The following CDK5RAP2 variants were observed in gnomAD, a reference collection of about 807,000 sequenced individuals.
The protein encoded by CDK5RAP2 is CDK5 regulatory subunit-associated protein 2.
CDK5RAP2 carries 147 observed loss-of-function variants against 232.9 expected under a neutral mutation model. The ratio of observed to expected loss-of-function variants is 0.63; its 90% confidence interval spans 0.55 to 0.72. The LOEUF (loss-of-function observed/expected upper bound fraction) is 0.72, where lower values mean the gene tolerates loss of function less well. CDK5RAP2 is among the 30% of genes least tolerant of loss of function. The pLI is 0.00. For missense variants in CDK5RAP2, 2,195 were observed against 2,231.5 expected (o/e 0.98, Z 0.33); for synonymous variants, 833 against 833.7 (o/e 1.00, Z 0.01).
chr9:120,477,625 T>A (rs2038086091), intron 14 of CDK5RAP2, among the ~76,000 whole-genome samples, 175 bp from the exon 15 acceptor site: 1 of 151,804 alleles, frequency 6.6e-6, no homozygotes, highest in Admixed American at 6.6e-5. Context: ...TCAGGAGGAG[T>A]GGGGAATGAC....
chr9:120,537,169 C>T (rs947348135), intron 6 of CDK5RAP2, among the ~76,000 whole-genome samples: 4 of 152,104 alleles, frequency 2.6e-5, no homozygotes, highest in African/African-American at 9.7e-5. Flanking sequence ...CAAAGATAAA[C>T]ATCAAACAGA....
chr9:120,393,165 C>T (rs2032150997), intron 36 of CDK5RAP2, among the ~76,000 whole-genome samples: 1 of 152,180 alleles, frequency 6.6e-6, no homozygotes, highest in South Asian at 2.1e-4. Flanking sequence ...TTCTTCAAGA[C>T]CCAGTCAGTC....
intron 25 of CDK5RAP2, among the ~76,000 whole-genome samples, chr9:120,428,221 T>C (rs2035041876): frequency 6.6e-6 from 1 of 151,844 alleles, no homozygotes; most frequent in Non-Finnish European, 1.5e-5. Flanking sequence ...GCAAACACAT[T>C]TAAAAGCTAG....
rs1308270240 is a variant in CDK5RAP2, at chr9:120,408,404, G to A, written c.4669C>T (p.Leu1557Phe). ...TCATACGCCTTCAGCTCCACTCGGA[G>A]AGACTGCAATAGCTTGTCATTCTGT... ...LSQNDKLLQSLRVELKAYEKL... is the reference protein window; with the variant it reads ...LSQNDKLLQSFRVELKAYEKL... The change falls in exon 31 of 38, where the codon CTC becomes TTC. Residue 1557 changes from leucine (L) to phenylalanine (F), a missense_variant. By Grantham distance (22) the Leu-to-Phe change is conservative. Transcript: ENST00000349780. The A allele has an allele frequency of 1.7e-5, 27 of 1,614,068 alleles. No individual in the cohort carries two copies. Among genetic ancestry groups the A allele is most frequent in the Non-Finnish European group, 2.3e-5 (27 of 1,180,038 alleles).
chr9:120,431,854 G>A (rs550719591), intron 25 of CDK5RAP2, among the ~76,000 whole-genome samples: 1 of 152,296 alleles, frequency 6.6e-6, no homozygotes, highest in South Asian at 2.1e-4. Context: ...CCAAGAACAA[G>A]GATACAGTGG....
intron 22 of CDK5RAP2, 149 bp downstream of exon 22, chr9:120,447,746 G>A (rs982532723): frequency 4.3e-5 from 32 of 742,806 alleles, no homozygotes; most frequent in Non-Finnish European, 7.7e-5. Flanking sequence ...CCTCTGTTGT[G>A]CATTTGTCAA....
rs73546170 is a variant in CDK5RAP2 at position 120,405,153 on chromosome 9, T to C, written c.4964-1040A>G. 7.0e-3 allele frequency among the ~76,000 whole-genome samples: 1,068 copies of C among 152,294 alleles called. 18 individuals are homozygous for C. Among genetic ancestry groups the C allele is most frequent in the African/African-American group, 0.025 (1,031 of 41,550 alleles). ...CCAAGGAGCCAGGAGGTCAGCTCCA[T>C]AGAGCTGGCCCCAAGAGGAATCACT... On this transcript the variant is annotated intron_variant, in intron 32 of 37. Coordinates refer to ENST00000349780, the MANE Select transcript of CDK5RAP2 (RefSeq NM_018249.6).
intron 14 of CDK5RAP2, among the ~76,000 whole-genome samples, chr9:120,480,997 A>G (rs2038274712): frequency 6.6e-6 from 1 of 152,234 alleles, no homozygotes; most frequent in Non-Finnish European, 1.5e-5. Context: ...GTGCAGCCAG[A>G]GGACCTCAGA....
rs4837768 is a variant in CDK5RAP2 at position 120,408,455 on chromosome 9, C to T, written c.4618G>A (p.Val1540Met). The change falls in exon 31 of 38, where the codon GTG becomes ATG. Residue 1540 changes from valine (V) to methionine (M), a missense_variant. Transcript: ENST00000349780. Reference protein sequence around the residue: ...GQELSRVQEEVKLRQQLLSQN... With the variant: ...GQELSRVQEEMKLRQQLLSQN... ...GAGAGCAGCTGCTGCCTCAACTTCACCTCCTCCTGCACCCTGAGAAGGCCC... is the reference window on the plus strand; with the variant it reads ...GAGAGCAGCTGCTGCCTCAACTTCATCTCCTCCTGCACCCTGAGAAGGCCC... The T allele has an allele frequency of 6.2e-7, 1 of 1,613,894 alleles. No homozygotes were observed. Among genetic ancestry groups the T allele is most frequent in the Non-Finnish European group, 8.5e-7 (1 of 1,179,954 alleles).
intron 19 of CDK5RAP2, 140 bp downstream of exon 19, chr9:120,460,432 T>G: frequency 1.3e-6 from 1 of 773,444 alleles, no homozygotes. Context: ...AGACCTAGTC[T>G]TTGCTTTCCA....
chr9:120,477,140 G>A (rs2038060170), intron 15 of CDK5RAP2, among the ~76,000 whole-genome samples: 1 of 152,132 alleles, frequency 6.6e-6, no homozygotes, highest in Non-Finnish European at 1.5e-5. Context: ...CAATTTTGTT[G>A]CCAAAAATCA....
chr9:120,421,258 C>G (rs1312959946), intron 26 of CDK5RAP2, among the ~76,000 whole-genome samples: 1 of 152,166 alleles, frequency 6.6e-6, no homozygotes, highest in African/African-American at 2.4e-5. Context: ...GCCCCTTCAA[C>G]TCTCACCCTT....
chr9:120,506,586 G>A (rs565197397), intron 12 of CDK5RAP2, among the ~76,000 whole-genome samples: 1 of 152,216 alleles, frequency 6.6e-6, no homozygotes, highest in African/African-American at 2.4e-5. Flanking sequence ...GAACATTTGT[G>A]ATTCATGAGA....
chr9:120,462,137 C>G (rs2037125573), intron 18 of CDK5RAP2, among the ~76,000 whole-genome samples: 1 of 152,174 alleles, frequency 6.6e-6, no homozygotes, highest in Admixed American at 6.5e-5. Flanking sequence ...TCCAAATCTG[C>G]AATCAGGATC....
rs1045184410 is a variant in CDK5RAP2 at position 120,468,010 on chromosome 9, A to C, written c.1969-13T>G. On this transcript the variant is annotated splice_polypyrimidine_tract_variant and intron_variant, in intron 17 of 37. Transcript: ENST00000349780. ...TAAGGTCACTGACCTAGGAGGTAAG[A>C]ACAGGGAAAAGGCTGTCTACCCAGC... The C allele has an allele frequency of 1.9e-6, 3 of 1,613,724 alleles. No individual in the cohort carries two copies. The African/African-American group carries it at 4.0e-5, about 22-fold the overall frequency.
chr9:120,530,386 T>C lies in CDK5RAP2; in HGVS notation c.663-246A>G, dbSNP rs62577985. Among the ~76,000 whole-genome samples, 1,155 of 152,302 alleles carry C rather than the reference T, an allele frequency of 7.6e-3. 8 individuals carry two copies. Among genetic ancestry groups the C allele is most frequent in the Middle Eastern group, 0.02 (6 of 294 alleles). On this transcript the variant is annotated intron_variant, in intron 7 of 37. Transcript: ENST00000349780. ...CTGAGCTTCTGGACTCTAGCCAAGC[T>C]GTGCTCCTGTTCAAATACCTTCAAC...
At chr9:120,449,437 C>G (rs961467792) in intron 21 of CDK5RAP2, among the ~76,000 whole-genome samples, 3 of 152,200 alleles carry the variant, frequency 2.0e-5, no homozygotes, top group African/African-American at 2.4e-5. Flanking sequence ...TCTGCACCAA[C>G]CTGTAAGCTC....
In CDK5RAP2 at chr9:120,491,473, A is replaced by G; in HGVS notation, c.1316T>C (p.Leu439Pro). The stretch of plus-strand genomic sequence containing the variant: ...GCGTAATTTTTCAACTTCATTTCTA[A>G]GATCCTACCAGAAGAAAATGAAAAA... ...KSKGDCTIRD[L>P]RNEVEKLRNE... Residue 439 changes from leucine (L) to proline (P), a missense_variant, in exon 13 of 38, where the codon CTT becomes CCT. Leu to Pro is a moderately conservative substitution (Grantham distance 98). Coordinates refer to ENST00000349780, the MANE Select transcript of CDK5RAP2 (RefSeq NM_018249.6). 2 of 1,606,950 alleles carry G rather than the reference A, an allele frequency of 1.2e-6. No individual in the cohort carries two copies. Among genetic ancestry groups the G allele is most frequent in the Non-Finnish European group, 1.7e-6 (2 of 1,175,834 alleles).
intron 5 of CDK5RAP2, among the ~76,000 whole-genome samples, chr9:120,545,167 C>T (rs1401238376): frequency 6.6e-6 from 1 of 152,110 alleles, no homozygotes; most frequent in East Asian, 1.9e-4. Flanking sequence ...GCTGAAGCCC[C>T]ATCCTCTGTC....
Sources: allele counts gnomAD v4.1 joint callset (sites outside exome capture counted in the v4.1 genomes callset), GRCh38; gene constraint gnomAD v4.1.1; transcripts MANE v1.5; gene names NCBI Gene and HGNC (gene_info 2026-07-23, HGNC 2026-07-21).